The following MST1R variants were observed in gnomAD, a reference collection of about 807,000 sequenced individuals.
MST1R encodes macrophage stimulating 1 receptor.
A neutral mutation model predicts 117.8 loss-of-function variants in MST1R; 99 were observed. The ratio of observed to expected loss-of-function variants is 0.84; its 90% CI spans 0.71 to 0.99. The LOEUF (loss-of-function observed/expected upper bound fraction) is 0.99. Ranked by LOEUF, MST1R falls within the 50% of genes least tolerant of loss-of-function variation. The pLI is 0.00. For synonymous variants in MST1R, 734 were observed against 765.3 expected (o/e 0.96, Z 0.68); for missense variants, 1,683 against 1,840.2 (o/e 0.91, Z 1.56).
chr3:49,887,312 T>C lies in MST1R; in HGVS notation c.4198A>G (p.Thr1400Ala), dbSNP rs773663136. The C allele has an allele frequency of 6.2e-7, 1 of 1,613,936 alleles. No individual in the cohort carries two copies. The highest frequency in any genetic ancestry group is 1.3e-5 in the African/African-American group (1 of 74,952). The change falls in exon 20 of 20, where the codon ACT (threonine) becomes GCT (alanine). Residue 1400 changes from threonine (T) to alanine (A), a missense_variant. By Grantham distance (58) the Thr-to-Ala change is moderately conservative. Coordinates refer to ENST00000296474, the MANE Select transcript of MST1R (RefSeq NM_002447.4). The stretch of plus-strand genomic sequence containing the variant: ...GGTCCAGCCCAAGAACTAAGTCAAG[T>C]GGGCCGAGGAGGCTCTGAGAGTGGC... ...PRPLSEPPRP[T>A]
At position 49,887,502 on chromosome 3, in the gene MST1R, T is replaced by C; in HGVS notation, c.4008A>G (p.Val1336=). The C allele has an allele frequency of 6.2e-7, 1 of 1,614,182 alleles. No individual in the cohort carries two copies. Among genetic ancestry groups the C allele is most frequent in the Non-Finnish European group, 8.5e-7 (1 of 1,179,998 alleles). ...ADPAVRPTFR[V]LVGEVEQIVS... ...CTATCTGCTCCACCTCCCCCACTAG[T>C]ACTCTGAAGGTGGGTCGCACTGCTG... Residue 1336 remains valine (V), a synonymous_variant, in exon 20 of 20, where the codon GTA becomes GTG. Coordinates refer to ENST00000296474, the MANE Select transcript of MST1R (RefSeq NM_002447.4).
Position 49,898,519 on chromosome 3 carries a change from T to G in MST1R, c.1718A>C (p.Glu573Ala), listed in dbSNP as rs757400054. The change falls in exon 4 of 20, where the codon GAG (glutamate) becomes GCG (alanine). Residue 573 changes from glutamate to alanine, a missense_variant and splice_region_variant. Glu to Ala is a moderately radical substitution (Grantham distance 107). Transcript: ENST00000296474. ...QQDHCPPKLT[E>A]FHPHSGPLRG... ...TGTGCCCTGCCAGGGAAGCCATACCTCAGTAAGCTTAGGTGGGCAGTGGTC... is the reference window on the plus strand; with the variant it reads ...TGTGCCCTGCCAGGGAAGCCATACCGCAGTAAGCTTAGGTGGGCAGTGGTC... 1.9e-6 allele frequency: 3 copies of G among 1,613,120 alleles called. 1 individual carries two copies. In the South Asian group the frequency reaches 3.3e-5, roughly 18 times the overall value.
rs374897452 is a variant in MST1R, at chr3:49,895,197, C to T, written c.3241G>A (p.Val1081Ile). ...CCAATGACTCGGTCACTGTGGGTGA[C>T]CACCCGCTCATGGGGAATCAGCACA... is the stretch of plus-strand genomic sequence containing the variant. ...KDVLIPHERV[V>I]THSDRVIGKG... Residue 1081 changes from valine to isoleucine, a missense_variant, in exon 14 of 20, where the codon GTC (valine) becomes ATC (isoleucine). Val to Ile is a conservative substitution (Grantham distance 29, BLOSUM62 3). Transcript: ENST00000296474. 3.1e-6 allele frequency: 5 copies of T among 1,614,144 alleles called. No homozygotes were observed. The highest frequency in any genetic ancestry group is 4.2e-6 in the Non-Finnish European group (5 of 1,180,036).
At chr3:49,902,291 C>T in intron 1 of MST1R, 89 bp downstream of exon 1, 1 of 1,518,140 alleles carries the variant, frequency 6.6e-7, no homozygotes, top group South Asian at 1.3e-5. Flanking sequence ...CCACCGCGCC[C>T]CCAGATCCCC....
In MST1R at chr3:49,903,665, T is replaced by C; in HGVS notation, c.-56A>G. The stretch of plus-strand genomic sequence containing the variant: ...ACCGGCCTGGGCCTGGACCTGGGCG[T>C]GGGCCTGGCTGGGGGCCCGACTCGA... On this transcript the variant is annotated 5_prime_UTR_variant, in exon 1 of 20. Transcript: ENST00000296474. 1 of 1,511,204 alleles carries C rather than the reference T, an allele frequency of 6.6e-7. No homozygotes were observed. 93.6% of individuals were successfully genotyped at this position (1,511,204 alleles called of 1,614,324 possible).
chr3:49,899,385 G>A, intron 1 of MST1R, 122 bp from the exon 2 acceptor site: 3 of 1,051,644 alleles, frequency 2.9e-6, no homozygotes, highest in Non-Finnish European at 4.1e-6. Context: ...GACTGGAGAA[G>A]GCCCTGGGCC....
At chr3:49,898,744 T>A in intron 3 of MST1R, 56 bp from the exon 4 acceptor site, 1 of 1,608,184 alleles carries the variant, frequency 6.2e-7, no homozygotes, top group South Asian at 1.1e-5. Context: ...TTGGGCCCTA[T>A]AGACCCTCCC....
rs767098895 is a variant in MST1R, at chr3:49,895,810, C to T, written c.2867G>A (p.Ser956Asn). The change falls in exon 12 of 20, where the codon AGC becomes AAC. Residue 956 changes from serine to asparagine, a missense_variant. Ser to Asn is a conservative substitution (Grantham distance 46). Coordinates refer to ENST00000296474, the MANE Select transcript of MST1R (RefSeq NM_002447.4). ...VRPGPDGVPQ[S>N]TLLGILLPLL... ...AGGCAGCAGGATACCAAGGAGCGTG[C>T]TCTGTGGGACCCCATCTGGCCCTGG... The T allele has an allele frequency of 6.2e-7, 1 of 1,613,960 alleles. No homozygotes were observed.
rs1234609238 is a variant in MST1R, at chr3:49,896,407, G to T, written c.2440-3C>A. The T allele has an allele frequency of 4.3e-6, 7 of 1,612,124 alleles. No homozygotes were observed. The highest frequency in any genetic ancestry group is 5.9e-6 in the Non-Finnish European group (7 of 1,179,196). On this transcript the variant is annotated splice_polypyrimidine_tract_variant and splice_region_variant and intron_variant, in intron 9 of 19. Coordinates refer to ENST00000296474, the MANE Select transcript of MST1R (RefSeq NM_002447.4). ...TGCTCTGGAAGCTGCCTCTCACACTGCTGGGACCAATATGAGAGTGATTAG... is the reference window on the plus strand; with the variant it reads ...TGCTCTGGAAGCTGCCTCTCACACTTCTGGGACCAATATGAGAGTGATTAG...
rs1378244385 is a variant in MST1R, at chr3:49,903,025, G to T, written c.585C>A (p.Ser195=). Residue 195 remains serine (S), a synonymous_variant, in exon 1 of 20, where the codon TCC becomes TCA. Coordinates refer to ENST00000296474, the MANE Select transcript of MST1R (RefSeq NM_002447.4). The part of the protein sequence containing the change: ...RVTVVEQGQA[S]YFYVASSLDA... ...CCAGTGAGGATGCCACGTAGAAATAGGAGGCCTGGCCTTGCTCAACCACAG... is the reference window on the plus strand; with the variant it reads ...CCAGTGAGGATGCCACGTAGAAATATGAGGCCTGGCCTTGCTCAACCACAG... 12 of 1,612,682 alleles carry T rather than the reference G, an allele frequency of 7.4e-6. No homozygotes were observed. The highest frequency in any genetic ancestry group is 1.0e-5 in the Non-Finnish European group (12 of 1,180,040).
At chr3:49,900,055 G>C (rs2082623214) in intron 1 of MST1R, among the ~76,000 whole-genome samples, 1 of 152,156 alleles carries the variant, frequency 6.6e-6, no homozygotes, top group Admixed American at 6.5e-5. Context: ...TCTCCTCTGG[G>C]CTTCGGTTTC....
chr3:49,896,020 T>C lies in MST1R; in HGVS notation c.2737A>G (p.Met913Val), dbSNP rs377295107. The C allele has an allele frequency of 1.2e-6, 2 of 1,602,754 alleles. No individual in the cohort carries two copies. The highest frequency in any genetic ancestry group is 1.3e-5 in the African/African-American group (1 of 74,792). ...ESCQHEFRGD[M>V]VVCPLPPSLQ... ...GATGGGGGCAGGGGGCAGACAACCATGTCCCCCCGGAACTCGTGCTGGCAG... is the reference window on the plus strand; with the variant it reads ...GATGGGGGCAGGGGGCAGACAACCACGTCCCCCCGGAACTCGTGCTGGCAG... The change falls in exon 11 of 20, where the codon ATG (methionine) becomes GTG (valine). Residue 913 changes from methionine (M) to valine (V), a missense_variant. By Grantham distance (21) the Met-to-Val change is conservative. Transcript: ENST00000296474.
intron 18 of MST1R, among the ~76,000 whole-genome samples, 174 bp downstream of exon 18, chr3:49,890,311 G>T (rs1016579103): frequency 3.3e-5 from 5 of 152,210 alleles, no homozygotes; most frequent in African/African-American, 1.2e-4. Context: ...GCCTCCTCTA[G>T]CCCTGGCAGG....
chr3:49,889,899 C>T, intron 19 of MST1R, 25 bp downstream of exon 19: 1 of 1,613,874 alleles, frequency 6.2e-7, no homozygotes, highest in Non-Finnish European at 8.5e-7. Context: ...CAGTTCCCTC[C>T]CCACTACCAC....
Position 49,903,328 on chromosome 3 carries a change from G to A in MST1R, c.282C>T (p.Gly94=), listed in dbSNP as rs2108512890. 3 of 1,613,274 alleles carry A rather than the reference G, an allele frequency of 1.9e-6. No homozygotes were observed. The highest frequency in any genetic ancestry group is 2.5e-6 in the Non-Finnish European group (3 of 1,179,974). The change falls in exon 1 of 20, where the codon GGC becomes GGT. Residue 94 remains glycine (G), a synonymous_variant. Coordinates refer to ENST00000296474, the MANE Select transcript of MST1R (RefSeq NM_002447.4). ...TCTGGCAGCCAGGGTCTCCAGCAGG[G>A]CCCGTGGCCAGGCTCTGGACAGACT... ...DLKSVQSLAT[G]PAGDPGCQTC...
rs376406092 is a variant in MST1R, at chr3:49,902,908, C to T, written c.702G>A (p.Ala234=). 2.5e-5 allele frequency: 40 copies of T among 1,613,518 alleles called. No homozygotes were observed. Among genetic ancestry groups the T allele is most frequent in the Middle Eastern group, 3.3e-4 (2 of 6,062 alleles). The change falls in exon 1 of 20, where the codon GCG becomes GCA. Residue 234 remains alanine, a synonymous_variant. Transcript: ENST00000296474. ...DASGFAPGFV[A]LSVLPKHLVS... Reference sequence around the variant, plus strand: ...CAAGATGCTTGGGCAGCACTGACAACGCCACAAAGCCCGGTGCGAATCCCG... The same window carrying T: ...CAAGATGCTTGGGCAGCACTGACAATGCCACAAAGCCCGGTGCGAATCCCG...
At position 49,896,085 on chromosome 3, in the gene MST1R, G is replaced by A; in HGVS notation, c.2672C>T (p.Ala891Val). ...KFEYIGLGAV[A>V]DCVGINVTVG... ...GGTCACGTTGATACCCACACAGTCA[G>A]CCACAGCGCCCAGCCCAATATACTG... Residue 891 changes from alanine to valine, a missense_variant, in exon 11 of 20, where the codon GCT becomes GTT. By Grantham distance (64) the Ala-to-Val change is moderately conservative. Coordinates refer to ENST00000296474, the MANE Select transcript of MST1R (RefSeq NM_002447.4). 1 of 1,612,130 alleles carries A rather than the reference G, an allele frequency of 6.2e-7. No homozygotes were observed. The highest frequency in any genetic ancestry group is 8.5e-7 in the Non-Finnish European group (1 of 1,178,670).
chr3:49,887,696 A>C, intron 19 of MST1R, 134 bp from the exon 20 acceptor site: 1 of 919,448 alleles, frequency 1.1e-6, no homozygotes, highest in Admixed American at 2.3e-5. Flanking sequence ...AGCACTACCC[A>C]ATCAGGGGCA....
At position 49,890,513 on chromosome 3, in the gene MST1R, G is replaced by A. The variant is rs757524599; in HGVS notation, c.3782C>T (p.Thr1261Ile). The A allele has an allele frequency of 2.4e-5, 38 of 1,614,016 alleles. 1 individual carries two copies. The Admixed American group carries it at 3.7e-4, about 16-fold the overall frequency. ...VKWMALESLQ[T>I]YRFTTKSDVW... Reference sequence around the variant, plus strand: ...ATCAGACTTGGTGGTAAATCTATAGGTCTGCAGGCTCTCCAGCGCCATCCA... The same window carrying A: ...ATCAGACTTGGTGGTAAATCTATAGATCTGCAGGCTCTCCAGCGCCATCCA... Residue 1261 changes from threonine to isoleucine, a missense_variant, in exon 18 of 20, where the codon ACC (threonine) becomes ATC (isoleucine). Transcript: ENST00000296474.
Sources: allele counts gnomAD v4.1 joint callset (sites outside exome capture counted in the v4.1 genomes callset), GRCh38; gene constraint gnomAD v4.1.1; transcripts MANE v1.5; gene names NCBI Gene and HGNC (gene_info 2026-07-23, HGNC 2026-07-21).